Variants in CADPS observed in about 807,000 individuals in gnomAD.
CADPS encodes calcium dependent secretion activator.
In CADPS, 57 loss-of-function variants were observed where a neutral mutation model predicts 167.3. The observed-to-expected ratio is 0.34, with a 90% confidence interval of 0.28 to 0.42. CADPS has a LOEUF of 0.42. CADPS is among the 20% of genes least tolerant of loss of function. The pLI, the probability that CADPS is intolerant of heterozygous loss-of-function variation, is 1.00. For missense variants in CADPS, 1,414 were observed against 1,738.1 expected (o/e 0.81, Z 3.32); for synonymous variants, 676 against 635.3 (o/e 1.06, Z -0.96).
At chr3:62,595,838 A>G (rs2058830890) in intron 6 of CADPS, among the ~76,000 whole-genome samples, 1 of 152,110 alleles carries the variant, frequency 6.6e-6, no homozygotes, top group South Asian at 2.1e-4. Context: ...GGTGGACACA[A>G]TCTAAGCAGC....
chr3:62,753,176 C>T lies in CADPS; in HGVS notation c.888+265G>A, dbSNP rs1199526857. On this transcript the variant is annotated intron_variant, in intron 3 of 29. Transcript: ENST00000383710. This position sits in a 1 kb window ranked among gnomAD's most constrained non-coding sequence, Gnocchi z 4.6. ...GGAAAACAAGCCTTACTCATAGGGC[C>T]AACTTACCCATTAGACACAATGAGC... 6.6e-6 allele frequency among the ~76,000 whole-genome samples: 1 copy of T among 152,086 alleles called. No individual in the cohort carries two copies. The highest frequency in any genetic ancestry group is 1.9e-4 in the East Asian group (1 of 5,188).
intron 8 of CADPS, among the ~76,000 whole-genome samples, chr3:62,577,783 A>C (rs983717292): frequency 6.6e-6 from 1 of 152,224 alleles, no homozygotes; most frequent in Non-Finnish European, 1.5e-5. Context: ...GGGGTTAAGA[A>C]ACTTGCCTAC....
At chr3:62,464,684 T>C (rs1472242417) in intron 26 of CADPS, among the ~76,000 whole-genome samples, 1 of 152,190 alleles carries the variant, frequency 6.6e-6, no homozygotes, top group Non-Finnish European at 1.5e-5. Context: ...TCTTGGAATT[T>C]GCAAATAATT....
intron 11 of CADPS, among the ~76,000 whole-genome samples, chr3:62,537,929 T>C (rs937399943): frequency 2.6e-5 from 4 of 152,186 alleles, no homozygotes; most frequent in Admixed American, 1.3e-4. Flanking sequence ...TCATTTTTCA[T>C]AGAAGCAGCA....
At position 62,643,117 on chromosome 3, in the gene CADPS, GT is replaced by G. The variant is rs555507184; in HGVS notation, c.1325+2604del. On this transcript the variant is annotated intron_variant, in intron 6 of 29. Coordinates refer to ENST00000383710, the MANE Select transcript of CADPS (RefSeq NM_003716.4). The stretch of plus-strand genomic sequence containing the variant: ...GTAAAGGATATAGGAGAGTCTACAT[GT>G]AAAGGATAAAGGAAGAGAGGAAGAC... Among the ~76,000 whole-genome samples the G allele has an allele frequency of 1.9e-3, 288 of 152,256 alleles. 2 individuals are homozygous for G. The South Asian group carries it at 0.029, about 15-fold the overall frequency.
intron 6 of CADPS, among the ~76,000 whole-genome samples, chr3:62,598,836 T>A (rs1434721391): frequency 3.9e-5 from 6 of 152,172 alleles, no homozygotes; most frequent in Admixed American, 3.9e-4. Flanking sequence ...ATGAGTTACC[T>A]CTGTAACTGA....
chr3:62,848,888 G>C (rs1232127149), intron 1 of CADPS, among the ~76,000 whole-genome samples: 5 of 115,842 alleles, frequency 4.3e-5, no homozygotes, highest in African/African-American at 1.3e-4. Context: ...CCATTTTCAC[G>C]ATATTGATTC....
At chr3:62,574,596 T>C (rs1316968144) in intron 8 of CADPS, among the ~76,000 whole-genome samples, 1 of 152,204 alleles carries the variant, frequency 6.6e-6, no homozygotes, top group East Asian at 1.9e-4. Flanking sequence ...ATTAATGTTT[T>C]CATGCAGTAA....
intron 1 of CADPS, among the ~76,000 whole-genome samples, chr3:62,864,838 C>CA (rs749697598): frequency 1.3e-5 from 2 of 152,124 alleles, no homozygotes; most frequent in Non-Finnish European, 2.9e-5. Context: ...TTCAGACACT[C>CA]ACACTATCCT....
At chr3:62,857,620 C>A (rs1319303181) in intron 1 of CADPS, among the ~76,000 whole-genome samples, 2 of 151,742 alleles carry the variant, frequency 1.3e-5, no homozygotes, top group Non-Finnish European at 2.9e-5. Context: ...GGTTGCAAAG[C>A]AATATATGTA....
intron 1 of CADPS, among the ~76,000 whole-genome samples, chr3:62,781,294 A>G (rs755887442): frequency 6.6e-6 from 1 of 152,206 alleles, no homozygotes; most frequent in Non-Finnish European, 1.5e-5. Context: ...GCTGCCAAAT[A>G]TAAGAGCAGT....
intron 5 of CADPS, 64 bp downstream of exon 5, chr3:62,650,783 G>A (rs985168332): frequency 1.6e-4 from 185 of 1,162,614 alleles, no homozygotes; most frequent in Middle Eastern, 4.5e-4. Context: ...TGATTGTGAC[G>A]CATCTAATCG....
chr3:62,537,688 G>A (rs2074965655), intron 11 of CADPS, among the ~76,000 whole-genome samples: 1 of 151,904 alleles, frequency 6.6e-6, no homozygotes, highest in African/African-American at 2.4e-5. Flanking sequence ...TGACTTGGGA[G>A]TAGTTTGGAT....
chr3:62,830,451 G>T (rs2074877179), intron 1 of CADPS, among the ~76,000 whole-genome samples: 1 of 152,096 alleles, frequency 6.6e-6, no homozygotes, highest in African/African-American at 2.4e-5. Context: ...CAGCCAAATT[G>T]GTACACCAGG....
chr3:62,507,703 A>T (rs1203047315), intron 17 of CADPS, among the ~76,000 whole-genome samples: 2 of 152,148 alleles, frequency 1.3e-5, no homozygotes, highest in South Asian at 2.1e-4. Flanking sequence ...CAGAACCTAC[A>T]TTTCAACAAG....
intron 4 of CADPS, among the ~76,000 whole-genome samples, chr3:62,656,058 C>T (rs563633432): frequency 6.6e-6 from 1 of 152,194 alleles, no homozygotes; most frequent in South Asian, 2.1e-4. Flanking sequence ...GATTTCTTCA[C>T]CCATCTGAAT....
chr3:62,465,510 G>T lies in CADPS; in HGVS notation c.3553-60C>A. 8.5e-7 allele frequency: 1 copy of T among 1,180,154 alleles called. No homozygotes were observed. The highest frequency in any genetic ancestry group is 1.2e-6 in the Non-Finnish European group (1 of 814,062). 73.1% of individuals were successfully genotyped at this position (1,180,154 alleles called of 1,614,324 possible). A position where few individuals can be genotyped will look rare whatever the true frequency, so the allele number is the denominator to read the frequency against. On this transcript the variant is annotated intron_variant, in intron 25 of 29. Transcript: ENST00000383710. The surrounding 1 kb of genome is among the most constrained non-coding windows in gnomAD (Gnocchi z 4.1). ...TCAAACTATAATTGTTCACCATAAA[G>T]CACATCATTTCCCCACCACATAAAG...
At chr3:62,754,118 G>A (rs939572101) in intron 2 of CADPS, among the ~76,000 whole-genome samples, 3 of 152,204 alleles carry the variant, frequency 2.0e-5, no homozygotes, top group Non-Finnish European at 4.4e-5. Context: ...CTTTGGGCAA[G>A]TTAACCTCTT....
At chr3:62,657,403 C>T (rs562708981) in intron 4 of CADPS, among the ~76,000 whole-genome samples, 7 of 152,266 alleles carry the variant, frequency 4.6e-5, no homozygotes, top group African/African-American at 1.7e-4. Flanking sequence ...TGGAATTTTA[C>T]ACTAAAATTC....
Sources: allele counts gnomAD v4.1 joint callset (sites outside exome capture counted in the v4.1 genomes callset), GRCh38; gene constraint gnomAD v4.1.1; non-coding constraint Gnocchi (gnomAD v3.1); transcripts MANE v1.5; gene names NCBI Gene and HGNC (gene_info 2026-07-23, HGNC 2026-07-21).